Variants in KANSL1 observed in about 807,000 individuals in gnomAD.
KANSL1 encodes KAT8 regulatory NSL complex subunit 1, also known as MLL1/MLL complex subunit KANSL1.
KANSL1 carries 22 observed loss-of-function variants against 103.6 expected under a neutral mutation model. That is an observed-to-expected ratio of 0.21 (90% CI 0.15 to 0.30). The LOEUF (loss-of-function observed/expected upper bound fraction) is 0.30. Ranked by LOEUF, KANSL1 falls within the 10% of genes least tolerant of loss-of-function variation. The pLI is 1.00. For synonymous variants in KANSL1, 600 were observed against 527.6 expected (o/e 1.14, Z -1.88); for missense variants, 1,337 against 1,399.8 (o/e 0.96, Z 0.72).
rs1439973841 is a variant in KANSL1 at position 46,039,160 on chromosome 17, A to G, written c.2259T>C (p.Asp753=). ...PDRTHRQHLD[D]VGAVPMVERV... ...GCTCCACCATGGGCACGGCCCCCAC[A>G]TCGTCTAAGTGCTGCCTGTGGGTCC... The change falls in exon 9 of 15, where the codon GAT becomes GAC. Residue 753 remains aspartate (D), a synonymous_variant. Coordinates refer to ENST00000432791, the MANE Select transcript of KANSL1 (RefSeq NM_015443.4). 1.2e-6 allele frequency: 2 copies of G among 1,611,580 alleles called. No individual in the cohort carries two copies. Among genetic ancestry groups the G allele is most frequent in the Admixed American group, 1.7e-5 (1 of 59,214 alleles).
intron 2 of KANSL1, among the ~76,000 whole-genome samples, chr17:46,130,120 GAGGGTGC>G (rs1333231680): frequency 2.7e-5 from 4 of 148,842 alleles, no homozygotes; most frequent in Non-Finnish European, 4.5e-5. Flanking sequence ...CAGAAAGGTA[GAGGGTGC>G]AGTGAGCTGA....
In KANSL1 at chr17:46,039,736, C is replaced by T; in HGVS notation, c.2169G>A (p.Arg723=). ...GSLPDSARKD[R]HKLVSSFLTT... ...TTAGGAAGGAGCTGACCAATTTGTG[C>T]CTGTCCTTACGAGCTGAATCTGGCA... Residue 723 remains arginine (R), a synonymous_variant, in exon 8 of 15, where the codon AGG becomes AGA. Transcript: ENST00000432791. 6.2e-7 allele frequency: 1 copy of T among 1,614,116 alleles called. No homozygotes were observed. The highest frequency in any genetic ancestry group is 8.5e-7 in the Non-Finnish European group (1 of 1,179,988).
chr17:46,171,706 C>A lies in KANSL1; in HGVS notation c.438G>T (p.Gln146His). The A allele has an allele frequency of 6.4e-7, 1 of 1,559,842 alleles. No individual in the cohort carries two copies. Among genetic ancestry groups the A allele is most frequent in the Non-Finnish European group, 8.6e-7 (1 of 1,157,346 alleles). ...TTACAGGTGCTTGTGGCAGAGCTGT[C>A]TGACCACTCGTATTCATGGTTCTAA... ...ENLRTMNTSG[Q>H]TALPQAPVNG... The change falls in exon 2 of 15, where the codon CAG becomes CAT. Residue 146 changes from glutamine to histidine, a missense_variant. By Grantham distance (24) the Gln-to-His change is conservative. Coordinates refer to ENST00000432791, the MANE Select transcript of KANSL1 (RefSeq NM_015443.4).
intron 2 of KANSL1, among the ~76,000 whole-genome samples, chr17:46,137,996 G>A (rs1354848333): frequency 6.6e-6 from 1 of 152,218 alleles, no homozygotes; most frequent in African/African-American, 2.4e-5. Context: ...CTACCCTCAG[G>A]AGTGAACAGT....
At chr17:46,194,774 C>T (rs2047549678), upstream of KANSL1, among the ~76,000 whole-genome samples, 1 of 152,180 alleles carries the variant, frequency 6.6e-6, no homozygotes. Flanking sequence ...AACCAATATC[C>T]GGCATTATAC....
chr17:46,177,354 A>G (rs1387382324), intron 1 of KANSL1, among the ~76,000 whole-genome samples: 1 of 152,038 alleles, frequency 6.6e-6, no homozygotes, highest in Non-Finnish European at 1.5e-5. Context: ...TACAATTGCC[A>G]TAAACCACCA....
At chr17:46,085,728 G>GT (rs2079139982) in intron 3 of KANSL1, among the ~76,000 whole-genome samples, 1 of 152,156 alleles carries the variant, frequency 6.6e-6, no homozygotes, top group Admixed American at 6.6e-5. Context: ...TTGGACTCAA[G>GT]TAATGCACTT....
rs536308634 is a variant in KANSL1 at position 46,146,463 on chromosome 17, T to A, written c.1289+24392A>T. ...ACTGATCCTAAATTGAAAAAAAAAATTTTTTTTGGACTGCTCCTGCAAGGT... is the reference window on the plus strand; with the variant it reads ...ACTGATCCTAAATTGAAAAAAAAAAATTTTTTTGGACTGCTCCTGCAAGGT... On this transcript the variant is annotated intron_variant, in intron 2 of 14. Transcript: ENST00000432791. 3.8e-4 allele frequency among the ~76,000 whole-genome samples: 57 copies of A among 151,788 alleles called. No homozygotes were observed. The South Asian group carries it at 4.2e-3, about 11-fold the overall frequency.
At chr17:46,175,211 A>G (rs1009719537) in intron 1 of KANSL1, among the ~76,000 whole-genome samples, 1 of 152,204 alleles carries the variant, frequency 6.6e-6, no homozygotes, top group Non-Finnish European at 1.5e-5. Context: ...TTATAGTATG[A>G]CAATTTGAAT....
At chr17:46,075,922 T>C (rs926208168) in intron 4 of KANSL1, among the ~76,000 whole-genome samples, 1 of 152,132 alleles carries the variant, frequency 6.6e-6, no homozygotes, top group Non-Finnish European at 1.5e-5. Context: ...CATCCTTCCC[T>C]AGGAAACTAC....
chr17:46,084,987 T>C (rs1256485548), intron 3 of KANSL1, among the ~76,000 whole-genome samples: 2 of 152,202 alleles, frequency 1.3e-5, no homozygotes, highest in African/African-American at 4.8e-5. Flanking sequence ...GGGCCCAAAC[T>C]GTCTTCCTGC....
At chr17:46,039,242 G>A in intron 8 of KANSL1, 27 bp from the exon 9 acceptor site, 1 of 1,528,566 alleles carries the variant, frequency 6.5e-7, no homozygotes, top group South Asian at 1.3e-5. Context: ...AAAAAGAGCT[G>A]TGAAATATGT....
intron 2 of KANSL1, among the ~76,000 whole-genome samples, chr17:46,129,020 T>A (rs1397090353): frequency 1.3e-5 from 2 of 152,180 alleles, no homozygotes; most frequent in African/African-American, 2.4e-5. Context: ...AGGAATGTTA[T>A]TTATTTTCAG....
chr17:46,107,206 G>A (rs2042604234), intron 2 of KANSL1, among the ~76,000 whole-genome samples: 1 of 152,194 alleles, frequency 6.6e-6, no homozygotes, highest in Non-Finnish European at 1.5e-5. Flanking sequence ...CAACAGCAAG[G>A]GGGATGGATC....
intron 2 of KANSL1, among the ~76,000 whole-genome samples, chr17:46,162,297 G>A (rs1394020550): frequency 1.3e-5 from 2 of 152,180 alleles, no homozygotes; most frequent in Admixed American, 1.3e-4. Flanking sequence ...GTTTAGGGAG[G>A]TGGGGAAATG....
chr17:46,155,801 C>T (rs1305405395), intron 2 of KANSL1, among the ~76,000 whole-genome samples: 6 of 152,164 alleles, frequency 3.9e-5, no homozygotes, highest in Non-Finnish European at 8.8e-5. Flanking sequence ...AGTGCAGTGG[C>T]TCACACCTAT....
intron 2 of KANSL1, among the ~76,000 whole-genome samples, chr17:46,125,430 G>A (rs1469651953): frequency 1.3e-5 from 2 of 152,152 alleles, no homozygotes; most frequent in Non-Finnish European, 2.9e-5. Context: ...CTTTATTGCA[G>A]TACTGTGGTC....
chr17:46,091,032 C>T (rs1272491590), intron 3 of KANSL1, among the ~76,000 whole-genome samples: 2 of 152,210 alleles, frequency 1.3e-5, no homozygotes, highest in African/African-American at 4.8e-5. Context: ...GAAACAGCCT[C>T]CAGCAGGTCC....
intron 4 of KANSL1, among the ~76,000 whole-genome samples, chr17:46,079,189 T>A (rs559215610): frequency 6.6e-6 from 1 of 152,214 alleles, no homozygotes; most frequent in Non-Finnish European, 1.5e-5. Context: ...ATGAATTCAG[T>A]CTCCAGTTCT....
Sources: allele counts gnomAD v4.1 joint callset (sites outside exome capture counted in the v4.1 genomes callset), GRCh38; gene constraint gnomAD v4.1.1; transcripts MANE v1.5; gene names NCBI Gene and HGNC (gene_info 2026-07-23, HGNC 2026-07-21).